NRXN3: variants seen among roughly 807,000 people sequenced by gnomAD.
NRXN3 encodes the protein neurexin III.
Under a neutral mutation model 137.6 loss-of-function variants are expected in NRXN3, and 32 were observed. The observed-to-expected ratio is 0.23, with a 90% CI of 0.18 to 0.31. NRXN3 has a LOEUF of 0.31. Among genes scored for constraint, NRXN3 ranks in the 10% least tolerant of loss-of-function variants. The probability of loss-of-function intolerance (pLI) is 1.00; values close to 1 mark genes in which losing one functional copy is unlikely to be tolerated. For synonymous variants in NRXN3, 798 were observed against 784.5 expected, an observed-to-expected ratio of 1.02 and a Z score of -0.29; for missense variants, 1,574 against 2,062.5, an observed-to-expected ratio of 0.76 and a Z score of 4.59.
chr14:78,849,328 A>G (rs1299349383), intron 10 of NRXN3, among the ~76,000 whole-genome samples: 1 of 152,128 alleles, frequency 6.6e-6, no homozygotes, highest in Non-Finnish European at 1.5e-5. Flanking sequence ...GGAAAGTCTC[A>G]GTTGTCCCCA....
intron 20 of NRXN3, among the ~76,000 whole-genome samples, chr14:79,807,323 G>A (rs2099211828): frequency 6.6e-6 from 1 of 152,036 alleles, no homozygotes; most frequent in Admixed American, 6.6e-5. Flanking sequence ...TCAAAATTGA[G>A]GCTTGGTCAT....
intron 16 of NRXN3, among the ~76,000 whole-genome samples, chr14:79,552,846 G>A (rs1367518113): frequency 6.6e-6 from 1 of 152,126 alleles, no homozygotes; most frequent in African/African-American, 2.4e-5. Context: ...AGAATAATGG[G>A]AAGAACAGGT....
At chr14:78,323,453 C>A (rs8019680) in intron 4 of NRXN3, among the ~76,000 whole-genome samples, 75,034 of 151,800 alleles carry the variant, frequency 0.49, 19,635 homozygotes, top group East Asian at 0.68. Flanking sequence ...GGGGATTTAA[C>A]CCCTGCCGTG....
At chr14:79,817,863 A>C (rs1368474821) in intron 20 of NRXN3, among the ~76,000 whole-genome samples, 1 of 152,172 alleles carries the variant, frequency 6.6e-6, no homozygotes, top group Non-Finnish European at 1.5e-5. Flanking sequence ...AAAAGGCTTT[A>C]ACAATCTTGG....
At chr14:78,791,061 T>C (rs1396325655) in intron 8 of NRXN3, among the ~76,000 whole-genome samples, 2 of 152,210 alleles carry the variant, frequency 1.3e-5, no homozygotes, top group Non-Finnish European at 2.9e-5. Context: ...CTTGCAGGTG[T>C]AGCCAAGAAG....
intron 10 of NRXN3, among the ~76,000 whole-genome samples, chr14:78,955,505 T>A (rs770536644): frequency 1.3e-5 from 2 of 152,232 alleles, no homozygotes; most frequent in Non-Finnish European, 2.9e-5. Context: ...ATTGTAGAAT[T>A]ACTTTATTCC....
chr14:78,664,975 A>G (rs1441293040), intron 6 of NRXN3, among the ~76,000 whole-genome samples: 2 of 152,164 alleles, frequency 1.3e-5, no homozygotes, highest in East Asian at 3.9e-4. Flanking sequence ...CCACTCATTT[A>G]CTTATTCATG....
At chr14:79,610,776 G>T (rs981868369) in intron 16 of NRXN3, among the ~76,000 whole-genome samples, 1 of 152,176 alleles carries the variant, frequency 6.6e-6, no homozygotes, top group Non-Finnish European at 1.5e-5. Context: ...GGGCAAAGAG[G>T]TGACAGTTTT....
intron 16 of NRXN3, among the ~76,000 whole-genome samples, chr14:79,514,793 C>A (rs2153694450): frequency 6.6e-6 from 1 of 152,168 alleles, no homozygotes; most frequent in East Asian, 1.9e-4. Flanking sequence ...CTGCTCCCTA[C>A]CAGGGATCAA....
At chr14:79,683,268 T>C (rs1302410687) in intron 17 of NRXN3, among the ~76,000 whole-genome samples, 2 of 152,102 alleles carry the variant, frequency 1.3e-5, no homozygotes, top group East Asian at 3.9e-4. Flanking sequence ...TGACCAAAAA[T>C]TGGCACACAT....
intron 6 of NRXN3, among the ~76,000 whole-genome samples, chr14:78,659,882 G>A (rs1485136531): frequency 1.3e-5 from 2 of 152,076 alleles, no homozygotes; most frequent in Admixed American, 6.6e-5. Flanking sequence ...AGAGAAATTG[G>A]CAATGTCAGT....
rs2099022883 is a variant in NRXN3 at position 78,845,082 on chromosome 14, G to T, written c.2275+34738G>T. ...GGCCTGAAAAAAAAACTGTTGCAAT[G>T]ATCTTCATTGGCTAAATTAAAATAT... On this transcript the variant is annotated intron_variant, in intron 10 of 20. Coordinates refer to ENST00000335750, the MANE Select transcript of NRXN3 (RefSeq NM_001330195.2). 2.0e-5 allele frequency among the ~76,000 whole-genome samples: 3 copies of T among 151,894 alleles called. No homozygotes were observed. In the South Asian group the frequency reaches 6.2e-4, roughly 32 times the overall value.
At chr14:78,813,591 A>G (rs1017323947) in intron 10 of NRXN3, among the ~76,000 whole-genome samples, 9 of 152,104 alleles carry the variant, frequency 5.9e-5, no homozygotes, top group African/African-American at 2.2e-4. Flanking sequence ...GAACTTTTTC[A>G]GTCATTCTTT....
At chr14:79,454,151 T>G (rs2153591729) in intron 15 of NRXN3, among the ~76,000 whole-genome samples, 1 of 152,182 alleles carries the variant, frequency 6.6e-6, no homozygotes, top group Middle Eastern at 3.4e-3. Flanking sequence ...TGGCGTGATC[T>G]CGGCTCACTG....
chr14:79,560,118 C>A (rs1337318071), intron 16 of NRXN3, among the ~76,000 whole-genome samples: 1 of 152,004 alleles, frequency 6.6e-6, no homozygotes, highest in Non-Finnish European at 1.5e-5. Flanking sequence ...TTACTATTTG[C>A]AACTAACTGC....
At position 79,688,113 on chromosome 14, in the gene NRXN3, G is replaced by GTGGGACCAAATAGAATAT. The variant is rs1603429895; in HGVS notation, c.3617-4060_3617-4059insTGGGACCAAATAGAATAT. 2.6e-5 allele frequency among the ~76,000 whole-genome samples: 4 copies of GTGGGACCAAATAGAATAT among 152,104 alleles called. No individual in the cohort carries two copies. In the East Asian group the frequency reaches 5.8e-4, roughly 22 times the overall value. ...CATCTTTTGAATGAAGGACTGATAA[G>GTGGGACCAAATAGAATAT]GTAGTGAGACAAGGGAAGCATACCG... is the stretch of plus-strand genomic sequence containing the variant. On this transcript the variant is annotated intron_variant, in intron 17 of 20. Transcript: ENST00000335750.
At chr14:78,335,775 ACT>A (rs1177963668) in intron 4 of NRXN3, among the ~76,000 whole-genome samples, 1 of 151,730 alleles carries the variant, frequency 6.6e-6, no homozygotes, top group Non-Finnish European at 1.5e-5. Flanking sequence ...AGACCGAAGC[ACT>A]CTCTGCATGA....
intron 8 of NRXN3, among the ~76,000 whole-genome samples, chr14:78,739,396 C>T (rs1008047151): frequency 1.3e-5 from 2 of 152,200 alleles, no homozygotes; most frequent in African/African-American, 4.8e-5. Flanking sequence ...TCTTTACAGG[C>T]TGGAGGAAGA....
intron 16 of NRXN3, among the ~76,000 whole-genome samples, chr14:79,662,525 C>T (rs538957427): frequency 7.2e-5 from 11 of 152,020 alleles, no homozygotes; most frequent in Non-Finnish European, 1.5e-4. Context: ...GTGATATCAC[C>T]ACCAGCATCA....
Sources: gnomAD v4.1 joint callset for allele counts (sites outside exome capture counted in the v4.1 genomes callset) on GRCh38, gnomAD v4.1.1 for gene constraint, MANE v1.5 for transcripts, NCBI Gene and HGNC (gene_info 2026-07-23, HGNC 2026-07-21) for gene names.